PSIP1: variants seen among roughly 807,000 people sequenced by gnomAD.
PSIP1 encodes PC4 and SRSF1 interacting protein 1, also known as PC4 and SFRS1-interacting protein.
A neutral mutation model predicts 74.7 loss-of-function variants in PSIP1; 19 were observed. The ratio of observed to expected loss-of-function variants is 0.25; its 90% confidence interval spans 0.18 to 0.37. PSIP1 has a LOEUF of 0.37. PSIP1 is among the 10% of genes least tolerant of loss of function. PSIP1 has a pLI of 1.00. For missense variants in PSIP1, 601 were observed against 614.3 expected (o/e 0.98, Z 0.23); for synonymous variants, 222 against 195.3 (o/e 1.14, Z -1.14).
At chr9:15,472,903 A>ATCTC (rs2035902292) in intron 9 of PSIP1, among the ~76,000 whole-genome samples, 153 bp from the exon 10 acceptor site, 1 of 152,228 alleles carries the variant, frequency 6.6e-6, no homozygotes, top group Non-Finnish European at 1.5e-5. Context: ...AATTACACCT[A>ATCTC]TCTCTGCAAG....
At chr9:15,472,275 G>T (rs2035870513) in intron 10 of PSIP1, 4 of 1,002,672 alleles carry the variant, frequency 4.0e-6, no homozygotes, top group South Asian at 4.6e-5. Context: ...GGCATTTCCT[G>T]CATTCTTTGT....
At chr9:15,465,842 T>C (rs907290792) in intron 15 of PSIP1, 2 of 356,344 alleles carry the variant, frequency 5.6e-6, no homozygotes, top group African/African-American at 4.2e-5. Flanking sequence ...GACCAAGCCC[T>C]TTCCATCATT....
chr9:15,489,608 C>CAAAAAAA lies in PSIP1; in HGVS notation c.288+371_288+377dup, dbSNP rs1278277874. On this transcript the variant is annotated intron_variant, in intron 4 of 15. Coordinates refer to ENST00000380733, the MANE Select transcript of PSIP1 (RefSeq NM_033222.5). Reference sequence around the variant, plus strand: ...GGGCAACAAGAGCGAAACTACACCTCAAAAAAAAAAAAAAAAAAAAGAAAT... The same window carrying CAAAAAAA: ...GGGCAACAAGAGCGAAACTACACCTCAAAAAAAAAAAAAAAAAAAAAAAAAAAGAAAT... Among the ~76,000 whole-genome samples the CAAAAAAA allele has an allele frequency of 8.7e-3, 398 of 45,492 alleles. 4 individuals are homozygous for CAAAAAAA. Among genetic ancestry groups the CAAAAAAA allele is most frequent in the African/African-American group, 0.024 (381 of 15,710 alleles). The allele number at this position is 45,492 out of a possible 152,430, so 29.8% of individuals were successfully genotyped here.
intron 6 of PSIP1, among the ~76,000 whole-genome samples, chr9:15,480,501 G>C (rs1486098111): frequency 1.3e-5 from 2 of 152,178 alleles, no homozygotes; most frequent in African/African-American, 2.4e-5. Flanking sequence ...ATAATGCCCA[G>C]TGTTGATAAG....
chr9:15,509,123 G>A (rs2037733099), intron 2 of PSIP1, among the ~76,000 whole-genome samples: 1 of 152,170 alleles, frequency 6.6e-6, no homozygotes, highest in Non-Finnish European at 1.5e-5. Flanking sequence ...TTCCCCTGCT[G>A]ACATAACTAA....
At chr9:15,478,330 T>A in intron 8 of PSIP1, 147 bp downstream of exon 8, 1 of 633,972 alleles carries the variant, frequency 1.6e-6, no homozygotes, top group South Asian at 2.4e-5. Flanking sequence ...TTTACAAAAT[T>A]TTCCCAGTTT....
At chr9:15,500,475 A>T (rs571281867) in intron 3 of PSIP1, among the ~76,000 whole-genome samples, 1 of 152,224 alleles carries the variant, frequency 6.6e-6, no homozygotes, top group African/African-American at 2.4e-5. Flanking sequence ...TGTCTCCAAA[A>T]AAAAAAGAGA....
At chr9:15,509,707 G>C (rs955382646) in intron 2 of PSIP1, among the ~76,000 whole-genome samples, 1 of 152,076 alleles carries the variant, frequency 6.6e-6, no homozygotes, top group African/African-American at 2.4e-5. Context: ...GCACTTCTCT[G>C]ACATCCAAGT....
chr9:15,494,877 C>G (rs1297717338), intron 3 of PSIP1, among the ~76,000 whole-genome samples: 1 of 152,154 alleles, frequency 6.6e-6, no homozygotes, highest in South Asian at 2.1e-4. Flanking sequence ...AACAGTATAA[C>G]ATTCCTCTTA....
At chr9:15,469,191 A>T in intron 12 of PSIP1, 75 bp downstream of exon 12, 2 of 1,324,296 alleles carry the variant, frequency 1.5e-6, no homozygotes, top group Non-Finnish European at 2.1e-6. Flanking sequence ...TTACATACTC[A>T]TAAGATCATG....
Position 15,468,775 on chromosome 9 carries a change from G to A in PSIP1, c.1275C>T (p.Asn425=), listed in dbSNP as rs781599543. 1.9e-6 allele frequency: 3 copies of A among 1,614,012 alleles called. No individual in the cohort carries two copies. Among genetic ancestry groups the A allele is most frequent in the Non-Finnish European group, 2.5e-6 (3 of 1,179,950 alleles). ...AATCTCCTTCACCAACCAAGAACAT[G>A]TTCTTAAACTTGTTATACAACATTG... ...KSTMLYNKFK[N]MFLVGEGDSV... The change falls in exon 14 of 16, where the codon AAC becomes AAT. Residue 425 remains asparagine, a synonymous_variant. Coordinates refer to ENST00000380733, the MANE Select transcript of PSIP1 (RefSeq NM_033222.5).
At chr9:15,503,165 GA>G (rs1563898973) in intron 3 of PSIP1, among the ~76,000 whole-genome samples, 1 of 152,098 alleles carries the variant, frequency 6.6e-6, no homozygotes, top group Non-Finnish European at 1.5e-5. Context: ...TCAGGAGTTT[GA>G]GACCAGCCTG....
At chr9:15,491,658 T>A (rs1293036336) in intron 3 of PSIP1, among the ~76,000 whole-genome samples, 1 of 152,180 alleles carries the variant, frequency 6.6e-6, no homozygotes, top group African/African-American at 2.4e-5. Flanking sequence ...TAAGTAACCA[T>A]GAAAAACCCA....
At chr9:15,487,516 A>T (rs567107395) in intron 4 of PSIP1, among the ~76,000 whole-genome samples, 12 of 152,128 alleles carry the variant, frequency 7.9e-5, no homozygotes, top group Admixed American at 7.9e-4. Flanking sequence ...TATAACTTAA[A>T]ACCCAGGAGG....
At chr9:15,466,968 CTACT>C (rs2035664770) in intron 14 of PSIP1, 109 bp from the exon 15 acceptor site, 1 of 753,754 alleles carries the variant, frequency 1.3e-6, no homozygotes, top group Non-Finnish European at 2.2e-6. Context: ...CGTGTTTCTA[CTACT>C]TAATGTCTTT....
intron 6 of PSIP1, among the ~76,000 whole-genome samples, chr9:15,485,242 C>A (rs903872233): frequency 6.6e-6 from 1 of 152,272 alleles, no homozygotes; most frequent in African/African-American, 2.4e-5. Flanking sequence ...AAATACAATA[C>A]TCAAGATGCT....
intron 3 of PSIP1, among the ~76,000 whole-genome samples, chr9:15,492,820 G>C (rs1025718746): frequency 6.6e-6 from 1 of 152,226 alleles, no homozygotes; most frequent in South Asian, 2.1e-4. Flanking sequence ...AAGCTGCCAA[G>C]GCTTGGGGCT....
At chr9:15,503,685 T>C (rs1049546618) in intron 3 of PSIP1, among the ~76,000 whole-genome samples, 1 of 151,468 alleles carries the variant, frequency 6.6e-6, no homozygotes, top group Non-Finnish European at 1.5e-5. Context: ...TTCAAATAAC[T>C]ACCCTCCCAA....
At chr9:15,469,915 T>A in intron 11 of PSIP1, 23 bp downstream of exon 11, 1 of 1,585,040 alleles carries the variant, frequency 6.3e-7, no homozygotes, top group Non-Finnish European at 8.6e-7. Flanking sequence ...ATTTTATGTA[T>A]CTTAGAAAGT....
Sources: allele counts gnomAD v4.1 joint callset (sites outside exome capture counted in the v4.1 genomes callset), GRCh38; gene constraint gnomAD v4.1.1; transcripts MANE v1.5; gene names NCBI Gene and HGNC (gene_info 2026-07-23, HGNC 2026-07-21).